ERC1: variants seen among roughly 807,000 people sequenced by gnomAD.
The protein encoded by ERC1 is ELKS/RAB6-interacting/CAST family member 1, also known as RAB6 interacting protein 2.
A neutral mutation model predicts 132.0 loss-of-function variants in ERC1; 56 were observed. That is an observed-to-expected ratio of 0.42 (90% confidence interval 0.34 to 0.53). ERC1 has a LOEUF of 0.53. Ranked by LOEUF, ERC1 falls within the 20% of genes least tolerant of loss-of-function variation. ERC1 has a pLI of 0.03. For synonymous variants in ERC1, 478 were observed against 476.1 expected (o/e 1.00, Z -0.05); for missense variants, 1,202 against 1,349.9 (o/e 0.89, Z 1.72).
chr12:1,187,007 T>C (rs1955171994), intron 11 of ERC1, among the ~76,000 whole-genome samples: 1 of 152,136 alleles, frequency 6.6e-6, no homozygotes, highest in Admixed American at 6.5e-5. Flanking sequence ...ATTTTTGTAC[T>C]CTTAGTGGAG....
chr12:1,251,021 C>T (rs969004583), intron 13 of ERC1, among the ~76,000 whole-genome samples: 25 of 152,250 alleles, frequency 1.6e-4, no homozygotes, highest in Middle Eastern at 3.4e-3. Flanking sequence ...TAAGCATATT[C>T]TCTTCTTAGA....
intron 2 of ERC1, among the ~76,000 whole-genome samples, chr12:1,080,585 T>G (rs1942043241): frequency 6.6e-6 from 1 of 152,198 alleles, no homozygotes; most frequent in Non-Finnish European, 1.5e-5. Context: ...GAGGAGGTAA[T>G]TGAATCATGG....
intron 2 of ERC1, among the ~76,000 whole-genome samples, chr12:1,034,374 G>A (rs1968657559): frequency 6.6e-6 from 1 of 152,038 alleles, no homozygotes; most frequent in African/African-American, 2.4e-5. Flanking sequence ...CCAGGAGTTT[G>A]AGTCCAGCCT....
intron 8 of ERC1, among the ~76,000 whole-genome samples, chr12:1,142,259 G>C (rs1593655701): frequency 6.6e-6 from 1 of 152,084 alleles, no homozygotes; most frequent in East Asian, 1.9e-4. Flanking sequence ...AAATCTTACT[G>C]TTCCTTAGTG....
intron 15 of ERC1, among the ~76,000 whole-genome samples, chr12:1,353,309 C>T (rs992232697): frequency 9.9e-5 from 15 of 152,116 alleles, no homozygotes; most frequent in African/African-American, 1.4e-4. Flanking sequence ...GGATTACAGG[C>T]GTGAGCCACC....
At position 1,146,731 on chromosome 12, in the gene ERC1, G is replaced by A. The variant is rs531515383; in HGVS notation, c.1737+4944G>A. On this transcript the variant is annotated intron_variant, in intron 8 of 18. Coordinates refer to ENST00000360905, the MANE Select transcript of ERC1 (RefSeq NM_178040.4). ...GTTGGTGTGCTGCACCCATTAACTC[G>A]TCATTTAGCATTAGGTATATCTCCT... 1.3e-4 allele frequency among the ~76,000 whole-genome samples: 19 copies of A among 151,222 alleles called. No homozygotes were observed. The East Asian group carries it at 3.3e-3, about 26-fold the overall frequency.
At chr12:1,324,480 T>A (rs1353256085) in intron 15 of ERC1, among the ~76,000 whole-genome samples, 2 of 152,120 alleles carry the variant, frequency 1.3e-5, no homozygotes, top group African/African-American at 2.4e-5. Context: ...CAAAGACAAA[T>A]ATATATTTTA....
At chr12:1,435,273 G>A (rs1048208969) in intron 17 of ERC1, among the ~76,000 whole-genome samples, 5 of 152,164 alleles carry the variant, frequency 3.3e-5, no homozygotes, top group Non-Finnish European at 5.9e-5. Flanking sequence ...TTTTTAGTGC[G>A]TGTGTGGAGT....
At chr12:1,485,207 T>C (rs1366951970) in intron 18 of ERC1, among the ~76,000 whole-genome samples, 2 of 138,394 alleles carry the variant, frequency 1.4e-5, no homozygotes, top group East Asian at 2.0e-4. Context: ...ATTTCTTTTT[T>C]TTTTTTTTTT....
chr12:1,268,683 G>A (rs568670038), intron 14 of ERC1, among the ~76,000 whole-genome samples: 13 of 152,146 alleles, frequency 8.5e-5, no homozygotes, highest in East Asian at 5.8e-4. Flanking sequence ...GGAGAATGGC[G>A]TGAATCTGGG....
chr12:1,131,514 T>C (rs925718431), intron 7 of ERC1, among the ~76,000 whole-genome samples: 3 of 152,270 alleles, frequency 2.0e-5, no homozygotes, highest in African/African-American at 7.2e-5. Context: ...CAGGCTGGAG[T>C]GCAGTGGCAC....
rs186238136 is a variant in ERC1 at position 1,266,884 on chromosome 12, A to G, written c.2619+3719A>G. 1.1e-3 allele frequency among the ~76,000 whole-genome samples: 163 copies of G among 152,348 alleles called. 2 individuals carry two copies. Among genetic ancestry groups the G allele is most frequent in the African/African-American group, 3.6e-3 (149 of 41,582 alleles). The stretch of plus-strand genomic sequence containing the variant: ...CTCACTTAAATTTAGCTTCTGGGAA[A>G]GAATGACTTTTTCTGATAAAGGTAG... On this transcript the variant is annotated intron_variant, in intron 14 of 18. Coordinates refer to ENST00000360905, the MANE Select transcript of ERC1 (RefSeq NM_178040.4).
chr12:1,225,554 C>T (rs550710519), intron 12 of ERC1, among the ~76,000 whole-genome samples: 13 of 151,762 alleles, frequency 8.6e-5, no homozygotes, highest in African/African-American at 1.9e-4. Flanking sequence ...TTCTGAAACA[C>T]GACTAAAAAC....
chr12:1,413,085 CAA>C (rs1326527504), intron 17 of ERC1, among the ~76,000 whole-genome samples: 3 of 152,168 alleles, frequency 2.0e-5, no homozygotes, highest in African/African-American at 7.2e-5. Flanking sequence ...TCCATCACCA[CAA>C]GTTTCATCTC....
At chr12:1,479,869 G>A (rs1028032143) in intron 18 of ERC1, among the ~76,000 whole-genome samples, 2 of 152,172 alleles carry the variant, frequency 1.3e-5, no homozygotes, top group Non-Finnish European at 2.9e-5. Flanking sequence ...TCAACAGCAC[G>A]GAGCTGTCGT....
intron 15 of ERC1, among the ~76,000 whole-genome samples, chr12:1,298,304 G>A (rs1054870862): frequency 6.6e-6 from 1 of 152,128 alleles, no homozygotes; most frequent in Non-Finnish European, 1.5e-5. Flanking sequence ...CACTTTGGGA[G>A]CCCAAGGCGC....
At chr12:1,327,290 T>C (rs1462282579) in intron 15 of ERC1, among the ~76,000 whole-genome samples, 1 of 152,128 alleles carries the variant, frequency 6.6e-6, no homozygotes, top group Non-Finnish European at 1.5e-5. Flanking sequence ...TCTTGTCTTA[T>C]ATCTTTATGT....
At chr12:1,092,022 G>A (rs185173063) in intron 3 of ERC1, among the ~76,000 whole-genome samples, 301 of 132,876 alleles carry the variant, frequency 2.3e-3, no homozygotes, top group African/African-American at 7.2e-3. Flanking sequence ...TTTTTGAGAC[G>A]GAGTCTCGCT....
chr12:1,432,130 C>T (rs981400828), intron 17 of ERC1, among the ~76,000 whole-genome samples: 5 of 152,266 alleles, frequency 3.3e-5, no homozygotes, highest in Middle Eastern at 3.4e-3. Flanking sequence ...CCTCCCACCT[C>T]GACCTCCCAA....
Sources: gnomAD v4.1 joint callset for allele counts (sites outside exome capture counted in the v4.1 genomes callset) on GRCh38, gnomAD v4.1.1 for gene constraint, MANE v1.5 for transcripts, NCBI Gene and HGNC (gene_info 2026-07-23, HGNC 2026-07-21) for gene names.